The following EYA3 variants were observed in gnomAD, a reference collection of about 807,000 sequenced individuals.
The protein encoded by EYA3 is protein phosphatase EYA3.
EYA3 carries 39 observed loss-of-function variants against 80.0 expected under a neutral mutation model. The observed-to-expected ratio is 0.49, with a 90% CI of 0.38 to 0.64. The LOEUF (loss-of-function observed/expected upper bound fraction) is 0.64. Ranked by LOEUF, EYA3 falls within the 30% of genes least tolerant of loss-of-function variation. The pLI is 0.00. For synonymous variants in EYA3, 206 were observed against 232.8 expected (o/e 0.88, Z 1.05); for missense variants, 523 against 676.1 (o/e 0.77, Z 2.51).
At chr1:28,058,791 G>A (rs2148900185) in intron 1 of EYA3, among the ~76,000 whole-genome samples, 1 of 152,168 alleles carries the variant, frequency 6.6e-6, no homozygotes, top group African/African-American at 2.4e-5. Context: ...TGCTCTTTCT[G>A]TCCTGATTTT....
At chr1:28,033,816 G>A (rs149824586) in intron 6 of EYA3, among the ~76,000 whole-genome samples, 5,199 of 30,426 alleles carry the variant, frequency 0.17, 254 homozygotes, top group East Asian at 0.56. Context: ...CACCATGCCC[G>A]GCTAATTTTT....
chr1:28,022,799 C>G (rs944482436), intron 7 of EYA3, among the ~76,000 whole-genome samples: 1 of 151,918 alleles, frequency 6.6e-6, no homozygotes, highest in Non-Finnish European at 1.5e-5. Flanking sequence ...ACTGAGGCCT[C>G]GACCTCCTAA....
chr1:28,023,082 TGG>T (rs71586820), intron 7 of EYA3, among the ~76,000 whole-genome samples: 6 of 146,900 alleles, frequency 4.1e-5, no homozygotes, highest in African/African-American at 1.3e-4. Flanking sequence ...AAGTGCTGGG[TGG>T]GGGGGGGGGG....
chr1:27,978,608 G>A, intron 16 of EYA3, 134 bp from the exon 17 acceptor site: 2 of 632,944 alleles, frequency 3.2e-6, no homozygotes, highest in East Asian at 2.8e-5. Flanking sequence ...GCTTGCTGGG[G>A]AGTAGGGATG....
chr1:28,042,637 G>A lies in EYA3; in HGVS notation c.91C>T (p.Pro31Ser). The stretch of plus-strand genomic sequence containing the variant: ...TCAGGCTTCTGATCACTGACATCTG[G>A]ATTGCTTACTTGACTGGGAGAACCA... ...GEQTISQVSN[P>S]DVSDQKPETS... Residue 31 changes from proline (P) to serine (S), a missense_variant, in exon 4 of 18, where the codon CCA (proline) becomes TCA (serine). Around this residue, in one of 2 missense-constraint regions of EYA3, gnomAD observed 304 missense variants for 343.3 expected, o/e 0.89. Coordinates refer to ENST00000373871, the MANE Select transcript of EYA3 (RefSeq NM_001990.4). The A allele has an allele frequency of 6.2e-7, 1 of 1,614,072 alleles. No homozygotes were observed. Among genetic ancestry groups the A allele is most frequent in the Non-Finnish European group, 8.5e-7 (1 of 1,179,946 alleles).
At position 28,009,639 on chromosome 1, in the gene EYA3, A is replaced by AAAC. The variant is rs374689783; in HGVS notation, c.909+1305_909+1307dup. Among the ~76,000 whole-genome samples the AAAC allele has an allele frequency of 0.016, 1,717 of 108,226 alleles. 29 individuals carry two copies. The highest frequency in any genetic ancestry group is 0.11 in the East Asian group (335 of 3,150). 71.0% of individuals were successfully genotyped at this position (108,226 alleles called of 152,430 possible). On this transcript the variant is annotated intron_variant, in intron 10 of 17. Coordinates refer to ENST00000373871, the MANE Select transcript of EYA3 (RefSeq NM_001990.4). This position sits in a 1 kb window ranked among gnomAD's most constrained non-coding sequence, Gnocchi z 4.8. ...CACTCCAGCCTGAGACTCCATCTCAAAACAACAACAACAACAACAACAACA... is the reference window on the plus strand; with the variant it reads ...CACTCCAGCCTGAGACTCCATCTCAAAACAACAACAACAACAACAACAACAACA...
At chr1:28,040,825 T>C (rs1643730901) in intron 4 of EYA3, among the ~76,000 whole-genome samples, 1 of 132,416 alleles carries the variant, frequency 7.6e-6, no homozygotes, top group African/African-American at 2.9e-5. Context: ...CCATAACTAG[T>C]AAGAGATGTG....
chr1:28,010,825 C>T, intron 10 of EYA3, 122 bp downstream of exon 10: 1 of 1,182,370 alleles, frequency 8.5e-7, no homozygotes, highest in African/African-American at 1.5e-5. Flanking sequence ...GTTTATTTTG[C>T]TCAGGAATTA....
At chr1:28,025,758 A>T (rs533312788) in intron 7 of EYA3, among the ~76,000 whole-genome samples, 6 of 152,144 alleles carry the variant, frequency 3.9e-5, no homozygotes, top group South Asian at 2.1e-4. Flanking sequence ...CCATTTTTTT[A>T]AATTTCTATT....
intron 8 of EYA3, among the ~76,000 whole-genome samples, chr1:28,015,430 AAAG>A (rs1641983753): frequency 1.3e-5 from 2 of 152,108 alleles, no homozygotes; most frequent in South Asian, 2.1e-4. Context: ...AAAAACATGA[AAAG>A]AAGGAGAATG....
intron 7 of EYA3, among the ~76,000 whole-genome samples, chr1:28,026,370 C>T (rs1468687617): frequency 2.0e-5 from 3 of 152,050 alleles, no homozygotes; most frequent in Non-Finnish European, 4.4e-5. Flanking sequence ...AATTTCAACA[C>T]TTTGGGAAGC....
chr1:28,014,417 CAAAAAAAAAAAAAAAA>C (rs1173842687), intron 8 of EYA3, among the ~76,000 whole-genome samples: 1 of 49,540 alleles, frequency 2.0e-5, no homozygotes, highest in Non-Finnish European at 4.0e-5. Context: ...CACACTGTCT[CAAAAAAAAAAAAAAAA>C]AAAAAAAAAA....
At chr1:28,059,030 T>C (rs1460851374) in intron 1 of EYA3, among the ~76,000 whole-genome samples, 1 of 152,202 alleles carries the variant, frequency 6.6e-6, no homozygotes, top group East Asian at 1.9e-4. Flanking sequence ...CTAACTCACA[T>C]ACAAAGCTAA....
intron 2 of EYA3, among the ~76,000 whole-genome samples, chr1:28,055,606 G>A (rs1428743912): frequency 6.6e-6 from 1 of 151,866 alleles, no homozygotes; most frequent in Non-Finnish European, 1.5e-5. Flanking sequence ...AAGTAGCTGG[G>A]ATTACAGGCA....
chr1:28,079,618 A>C (rs555872942), intron 1 of EYA3, among the ~76,000 whole-genome samples: 22 of 152,270 alleles, frequency 1.4e-4, no homozygotes, highest in African/African-American at 4.8e-4. Context: ...CACGATTCCA[A>C]AATAAGTTTT....
chr1:28,059,812 C>T (rs972115908), intron 1 of EYA3, among the ~76,000 whole-genome samples: 3 of 151,512 alleles, frequency 2.0e-5, no homozygotes, highest in Non-Finnish European at 4.4e-5. Flanking sequence ...CCTCCGTCTC[C>T]CGGGTTCAAG....
At chr1:28,007,648 A>C (rs771082046) in intron 10 of EYA3, among the ~76,000 whole-genome samples, 9 of 152,034 alleles carry the variant, frequency 5.9e-5, no homozygotes, top group Non-Finnish European at 7.4e-5. Flanking sequence ...CTGTATTTCT[A>C]TATACTTGCA....
At chr1:28,059,489 A>G (rs901118335) in intron 1 of EYA3, among the ~76,000 whole-genome samples, 3 of 152,212 alleles carry the variant, frequency 2.0e-5, no homozygotes, top group African/African-American at 7.2e-5. Flanking sequence ...AACACAGTCA[A>G]TGTGACCTAA....
At chr1:27,982,696 T>C (rs1639390950) in intron 16 of EYA3, among the ~76,000 whole-genome samples, 1 of 151,926 alleles carries the variant, frequency 6.6e-6, no homozygotes, top group South Asian at 2.1e-4. Context: ...GGGTTCAAGC[T>C]ATTCTCAGGC....
Sources: gnomAD v4.1 joint callset for allele counts (sites outside exome capture counted in the v4.1 genomes callset) on GRCh38, gnomAD v4.1.1 for gene constraint, gnomAD v4.1.1 regional missense constraint, Gnocchi (gnomAD v3.1) non-coding constraint, MANE v1.5 for transcripts, NCBI Gene and HGNC (gene_info 2026-07-23, HGNC 2026-07-21) for gene names.